TYW5: variants seen among roughly 807,000 people sequenced by gnomAD.
The protein encoded by TYW5 is tRNA-yW synthesizing protein 5, also known as tRNA wybutosine-synthesizing protein 5.
A neutral mutation model predicts 44.4 loss-of-function variants in TYW5; 36 were observed. The observed-to-expected ratio is 0.81, with a 90% CI of 0.62 to 1.07. The LOEUF is 1.07. Ranked by LOEUF, TYW5 falls within the 50% of genes least tolerant of loss-of-function variation. The pLI, the probability that TYW5 is intolerant of heterozygous loss-of-function variation, is 0.00. For synonymous variants in TYW5, 121 were observed against 128.1 expected, an observed-to-expected ratio of 0.94 and a Z score of 0.37; for missense variants, 354 against 365.7, an observed-to-expected ratio of 0.97 and a Z score of 0.26.
Position 199,931,412 on chromosome 2 carries a change from T to C in TYW5, c.*1655A>G, listed in dbSNP as rs1209935103. 1 of 152,198 alleles carries C rather than the reference T, an allele frequency of 6.6e-6. No individual in the cohort carries two copies. The highest frequency in any genetic ancestry group is 2.4e-5 in the African/African-American group (1 of 41,450). The allele number at this position is 152,198 out of a possible 1,614,324, so 9.4% of individuals were successfully genotyped here. On this transcript the variant is annotated 3_prime_UTR_variant, in exon 8 of 8. Coordinates refer to ENST00000354611, the MANE Select transcript of TYW5 (RefSeq NM_001039693.3). Reference sequence around the variant, plus strand: ...CTGGATTTATACTTTGTATCAATTCTCTTGCTGGTTAAGAAAAAAAACAAG... The same window carrying C: ...CTGGATTTATACTTTGTATCAATTCCCTTGCTGGTTAAGAAAAAAAACAAG...
rs898018660 is a variant in TYW5 at position 199,935,765 on chromosome 2, C to T, written c.691+166G>A. On this transcript the variant is annotated intron_variant, in intron 7 of 7. Coordinates refer to ENST00000354611, the MANE Select transcript of TYW5 (RefSeq NM_001039693.3). ...ACACACACACACACACACACACACA[C>T]ATACACACACACGCACACACAGAGT... 6.5e-5 allele frequency among the ~76,000 whole-genome samples: 8 copies of T among 123,818 alleles called. No individual in the cohort carries two copies. In the South Asian group the frequency reaches 9.0e-4, roughly 14 times the overall value. The allele number at this position is 123,818 out of a possible 152,430, so 81.2% of individuals were successfully genotyped here.
intron 5 of TYW5, 79 bp downstream of exon 5, chr2:199,938,853 AG>A: frequency 7.1e-7 from 1 of 1,413,838 alleles, no homozygotes; most frequent in Non-Finnish European, 9.5e-7. Flanking sequence ...GGTAACCTAT[AG>A]GAAGTTGAAA....
At chr2:199,935,743 CACACACACACACACACACACACAT>C (rs2077413910) in intron 7 of TYW5, among the ~76,000 whole-genome samples, 164 bp downstream of exon 7, 1 of 146,748 alleles carries the variant, frequency 6.8e-6, no homozygotes, top group African/African-American at 2.5e-5. Flanking sequence ...CACACACACA[CACACACACACACACACACACACAT>C]ACACACACAC....
chr2:199,953,435 CAG>C (rs2077563151), intron 1 of TYW5, among the ~76,000 whole-genome samples: 1 of 152,192 alleles, frequency 6.6e-6, no homozygotes, highest in South Asian at 2.1e-4. Flanking sequence ...TGTGTCAGGG[CAG>C]AAAGGACATG....
intron 5 of TYW5, among the ~76,000 whole-genome samples, chr2:199,938,210 A>G (rs1574797078): frequency 1.3e-5 from 2 of 151,878 alleles, no homozygotes; most frequent in African/African-American, 4.8e-5. Context: ...GACTACAGGC[A>G]CCCGCCACCA....
chr2:199,935,780 A>G (rs2077415524), intron 7 of TYW5, 151 bp downstream of exon 7: 1 of 602,542 alleles, frequency 1.7e-6, no homozygotes, highest in Non-Finnish European at 2.9e-6. Context: ...ACACACACGC[A>G]CACACAGAGT....
chr2:199,941,291 T>C (rs2105699858), intron 3 of TYW5, among the ~76,000 whole-genome samples: 1 of 152,290 alleles, frequency 6.6e-6, no homozygotes, highest in South Asian at 2.1e-4. Flanking sequence ...TCCTCCGGTG[T>C]TGGCCTCCCA....
At position 199,932,367 on chromosome 2, in the gene TYW5, A is replaced by G. The variant is rs974177347; in HGVS notation, c.*700T>C. On this transcript the variant is annotated 3_prime_UTR_variant, in exon 8 of 8. Coordinates refer to ENST00000354611, the MANE Select transcript of TYW5 (RefSeq NM_001039693.3). ...TTTTTCCTATCAGAACCATGATTTT[A>G]AAAAAACTATCCTTTCTGTCCCCAT... The G allele has an allele frequency of 1.3e-5, 2 of 152,178 alleles. No individual in the cohort carries two copies. The highest frequency in any genetic ancestry group is 2.9e-5 in the Non-Finnish European group (2 of 68,040). 9.4% of individuals were successfully genotyped at this position (152,178 alleles called of 1,614,324 possible). A position where few individuals can be genotyped will look rare whatever the true frequency, so the allele number is the denominator to read the frequency against.
intron 1 of TYW5, among the ~76,000 whole-genome samples, chr2:199,954,289 A>C (rs1376230188): frequency 1.3e-5 from 2 of 151,452 alleles, no homozygotes; most frequent in African/African-American, 4.9e-5. Context: ...TTTTGTACAG[A>C]CGGGGATTCA....
At chr2:199,951,935 T>C (rs535371100) in intron 1 of TYW5, among the ~76,000 whole-genome samples, 37 of 151,580 alleles carry the variant, frequency 2.4e-4, no homozygotes, top group African/African-American at 8.2e-4. Flanking sequence ...GAGAATGGCA[T>C]GAACCCGGGA....
chr2:199,950,644 G>A (rs1397014800), intron 1 of TYW5, among the ~76,000 whole-genome samples: 1 of 151,264 alleles, frequency 6.6e-6, no homozygotes, highest in African/African-American at 2.4e-5. Flanking sequence ...GTGGGTCTGT[G>A]TGTGTGTATG....
At chr2:199,933,406 G>A in intron 7 of TYW5, 83 bp from the exon 8 acceptor site, 1 of 1,147,618 alleles carries the variant, frequency 8.7e-7, no homozygotes, top group East Asian at 2.4e-5. Context: ...ATCACGAATT[G>A]CATATAGCCA....
rs901551963 is a variant in TYW5, at chr2:199,929,395, C to T, written c.*3672G>A. On this transcript the variant is annotated 3_prime_UTR_variant, in exon 8 of 8. Coordinates refer to ENST00000354611, the MANE Select transcript of TYW5 (RefSeq NM_001039693.3). The stretch of plus-strand genomic sequence containing the variant: ...ATTTAAGACACCCAAAAACTTGTGG[C>T]TTGTATGCTTGAAACAAGACTAAGG... 2.6e-5 allele frequency among the ~76,000 whole-genome samples: 4 copies of T among 151,996 alleles called. No homozygotes were observed. Among genetic ancestry groups the T allele is most frequent in the African/African-American group, 9.7e-5 (4 of 41,340 alleles).
chr2:199,942,424 A>C (rs896641654), intron 3 of TYW5: 2 of 152,228 alleles, frequency 1.3e-5, no homozygotes, highest in African/African-American at 2.4e-5. Flanking sequence ...CCAAACTGAC[A>C]GTTCAAGTTG....
At chr2:199,955,271 G>T in intron 1 of TYW5, 122 bp downstream of exon 1, 1 of 1,123,680 alleles carries the variant, frequency 8.9e-7, no homozygotes, top group Non-Finnish European at 1.3e-6. Context: ...CCAGTGATCT[G>T]CTGCCGTCCT....
At chr2:199,945,644 T>C (rs1168972997) in intron 2 of TYW5, 1 of 152,220 alleles carries the variant, frequency 6.6e-6, no homozygotes, top group African/African-American at 2.4e-5. Flanking sequence ...GGGAAGTTTA[T>C]CTGGACCATA....
rs183449244 is a variant in TYW5, at chr2:199,952,698, T to G, written c.78+2695A>C. Among the ~76,000 whole-genome samples, 4 of 152,340 alleles carry G rather than the reference T, an allele frequency of 2.6e-5. No individual in the cohort carries two copies. In the East Asian group the frequency reaches 7.7e-4, roughly 29 times the overall value. Reference sequence around the variant, plus strand: ...TTTAATCTAATATTACACCTGAATTTTGAGTCATAGCTAGAAATGCCTTCC... The same window carrying G: ...TTTAATCTAATATTACACCTGAATTGTGAGTCATAGCTAGAAATGCCTTCC... On this transcript the variant is annotated intron_variant, in intron 1 of 7. Transcript: ENST00000354611.
intron 1 of TYW5, among the ~76,000 whole-genome samples, chr2:199,949,031 T>C (rs2077524620): frequency 2.0e-5 from 3 of 152,108 alleles, no homozygotes; most frequent in African/African-American, 2.4e-5. Context: ...CATCTTCTTA[T>C]ATAACCACAG....
chr2:199,943,533 CTAT>C (rs2077481482), intron 3 of TYW5: 1 of 404,036 alleles, frequency 2.5e-6, no homozygotes, highest in African/African-American at 2.1e-5. Flanking sequence ...AAAATAGGTA[CTAT>C]TATCACCCCC....
Sources: gnomAD v4.1 joint callset for allele counts (sites outside exome capture counted in the v4.1 genomes callset) on GRCh38, gnomAD v4.1.1 for gene constraint, MANE v1.5 for transcripts, NCBI Gene and HGNC (gene_info 2026-07-23, HGNC 2026-07-21) for gene names.